Variants in UTRN observed in about 807,000 individuals in gnomAD.
UTRN encodes the protein dystrophin-related protein 1.
UTRN carries 283 observed loss-of-function variants against 463.9 expected under a neutral mutation model. The observed-to-expected ratio is 0.61, with a 90% CI of 0.55 to 0.67. The LOEUF (loss-of-function observed/expected upper bound fraction) is 0.67, where lower values mean the gene tolerates loss of function less well. Ranked by LOEUF, UTRN falls within the 30% of genes least tolerant of loss-of-function variation. The pLI is 0.00. For missense variants in UTRN, 3,922 were observed against 4,084.3 expected (o/e 0.96, Z 1.08); for synonymous variants, 1,442 against 1,431.5 (o/e 1.01, Z -0.17).
At chr6:144,445,087 A>T (rs1332824372) in intron 14 of UTRN, among the ~76,000 whole-genome samples, 1 of 152,180 alleles carries the variant, frequency 6.6e-6, no homozygotes, top group Admixed American at 6.5e-5. Flanking sequence ...AGGGTGGCTC[A>T]CGCCTGTAAT....
chr6:144,362,781 T>C (rs1186250945), intron 2 of UTRN, among the ~76,000 whole-genome samples: 1 of 152,218 alleles, frequency 6.6e-6, no homozygotes, highest in Non-Finnish European at 1.5e-5. Context: ...TTCCACGCGA[T>C]GCAATATCTT....
intron 51 of UTRN, among the ~76,000 whole-genome samples, chr6:144,650,772 G>C (rs1778735396): frequency 6.6e-6 from 1 of 152,040 alleles, no homozygotes; most frequent in African/African-American, 2.4e-5. Flanking sequence ...AGCCAGGTGT[G>C]GTGGCACGAG....
intron 51 of UTRN, among the ~76,000 whole-genome samples, chr6:144,622,227 C>T (rs115670533): frequency 0.043 from 4,690 of 109,820 alleles, 303 homozygotes; most frequent in African/African-American, 0.15. Context: ...CTTGCTGTGT[C>T]GTCCAGGCTG....
At chr6:144,339,527 A>C (rs959558461) in intron 2 of UTRN, among the ~76,000 whole-genome samples, 4 of 152,106 alleles carry the variant, frequency 2.6e-5, no homozygotes, top group Non-Finnish European at 5.9e-5. Flanking sequence ...AGTTGGATGA[A>C]GGGAACATGA....
chr6:144,346,473 T>C (rs756038317), intron 2 of UTRN, among the ~76,000 whole-genome samples: 3 of 152,212 alleles, frequency 2.0e-5, no homozygotes, highest in Non-Finnish European at 2.9e-5. Flanking sequence ...GTGTCCATAG[T>C]GTAGGCTCTT....
intron 2 of UTRN, among the ~76,000 whole-genome samples, chr6:144,328,719 T>A (rs1052615854): frequency 1.3e-5 from 2 of 151,960 alleles, no homozygotes; most frequent in Non-Finnish European, 2.9e-5. Flanking sequence ...TAGATCAGGG[T>A]TTTTATTCTT....
At chr6:144,635,037 AAT>A (rs1482098333) in intron 51 of UTRN, among the ~76,000 whole-genome samples, 3 of 151,852 alleles carry the variant, frequency 2.0e-5, no homozygotes, top group Non-Finnish European at 2.9e-5. Flanking sequence ...TAGGCCTGTT[AAT>A]ATGTTTTTAG....
At chr6:144,533,728 A>ATAATG (rs1396049108) in intron 43 of UTRN, among the ~76,000 whole-genome samples, 1 of 150,618 alleles carries the variant, frequency 6.6e-6, no homozygotes, top group African/African-American at 2.4e-5. Flanking sequence ...GTAATATAAT[A>ATAATG]TAATATAATA....
At chr6:144,334,997 C>A in intron 2 of UTRN, among the ~76,000 whole-genome samples, 1 of 152,122 alleles carries the variant, frequency 6.6e-6, no homozygotes, top group South Asian at 2.1e-4. Context: ...GAATACAGAC[C>A]AAATTATATC....
chr6:144,839,169 C>G lies in UTRN; in HGVS notation c.10066-4C>G. On this transcript the variant is annotated splice_polypyrimidine_tract_variant and splice_region_variant and intron_variant, in intron 71 of 74. Transcript: ENST00000367545. The stretch of plus-strand genomic sequence containing the variant: ...TCTGCTTTAACCTCTGAATGTGGTT[C>G]CAGCCTGAATCTGATTCCCGAATCA... 1 of 1,611,348 alleles carries G rather than the reference C, an allele frequency of 6.2e-7. No homozygotes were observed. The highest frequency in any genetic ancestry group is 8.5e-7 in the Non-Finnish European group (1 of 1,177,538).
At chr6:144,513,244 TC>T (rs1795327739) in intron 35 of UTRN, among the ~76,000 whole-genome samples, 1 of 152,144 alleles carries the variant, frequency 6.6e-6, no homozygotes, top group Non-Finnish European at 1.5e-5. Flanking sequence ...AAAAAATTAT[TC>T]CTTAAATGAG....
chr6:144,564,384 A>G (rs1800207232), intron 50 of UTRN, among the ~76,000 whole-genome samples: 1 of 152,176 alleles, frequency 6.6e-6, no homozygotes, highest in Non-Finnish European at 1.5e-5. Context: ...AGGAAAGAGC[A>G]CAGCATGTGG....
intron 2 of UTRN, among the ~76,000 whole-genome samples, chr6:144,386,306 T>TA (rs1781416941): frequency 6.6e-6 from 1 of 151,344 alleles, no homozygotes; most frequent in African/African-American, 2.4e-5. Context: ...TACAGAAAAA[T>TA]ACAAAAATTA....
At chr6:144,724,684 T>C (rs1005976472) in intron 53 of UTRN, among the ~76,000 whole-genome samples, 1 of 152,202 alleles carries the variant, frequency 6.6e-6, no homozygotes, top group Non-Finnish European at 1.5e-5. Context: ...AATGGAATCT[T>C]ACACTATGCC....
chr6:144,632,505 A>G (rs1293449907), intron 51 of UTRN, among the ~76,000 whole-genome samples: 2 of 152,264 alleles, frequency 1.3e-5, no homozygotes, highest in African/African-American at 2.4e-5. Context: ...AATAGCAAAC[A>G]TGACTCAGAC....
chr6:144,386,398 G>A (rs1050756029), intron 2 of UTRN, among the ~76,000 whole-genome samples: 3 of 152,170 alleles, frequency 2.0e-5, no homozygotes, highest in African/African-American at 7.2e-5. Context: ...GTTGAAGGCT[G>A]CAGTGAGCCG....
chr6:144,402,872 G>A (rs1458777064), intron 2 of UTRN, among the ~76,000 whole-genome samples: 1 of 152,100 alleles, frequency 6.6e-6, no homozygotes, highest in East Asian at 1.9e-4. Flanking sequence ...GCAGGACTCC[G>A]GGGTTTAGGG....
intron 51 of UTRN, among the ~76,000 whole-genome samples, chr6:144,668,615 A>G (rs1004399267): frequency 7.2e-5 from 11 of 152,082 alleles, no homozygotes; most frequent in South Asian, 6.2e-4. Context: ...GTGAGGGCCT[A>G]CTTTCTGGTT....
intron 54 of UTRN, among the ~76,000 whole-genome samples, chr6:144,746,978 G>C (rs1010467146): frequency 5.3e-5 from 8 of 152,284 alleles, no homozygotes; most frequent in East Asian, 1.9e-4. Flanking sequence ...AATTTAGAGA[G>C]ACAAACATAT....
Sources: allele counts gnomAD v4.1 joint callset (sites outside exome capture counted in the v4.1 genomes callset), GRCh38; gene constraint gnomAD v4.1.1; transcripts MANE v1.5; gene names NCBI Gene and HGNC (gene_info 2026-07-23, HGNC 2026-07-21).